STK33: variants seen among roughly 807,000 people sequenced by gnomAD.
STK33 encodes the protein serine/threonine kinase 33.
STK33 carries 52 observed loss-of-function variants against 58.0 expected under a neutral mutation model. The observed-to-expected ratio is 0.90, with a 90% CI of 0.72 to 1.13. STK33 has a LOEUF of 1.13. Among genes scored for constraint, STK33 ranks in the 50% most tolerant of loss-of-function variants. STK33 has a pLI of 0.00. For missense variants in STK33, 630 were observed against 604.2 expected (o/e 1.04, Z -0.45); for synonymous variants, 215 against 200.1 (o/e 1.07, Z -0.63).
chr11:8,341,958 G>C, the STK33 span, among the ~76,000 whole-genome samples: 1 of 152,242 alleles, frequency 6.6e-6, no homozygotes, highest in South Asian at 2.1e-4. Flanking sequence ...GCGTGAGAAA[G>C]TGAGGCATTT....
In STK33 at chr11:8,407,737, G is replaced by A. The variant is rs151159887; in HGVS notation, c.1344+5758C>T. ...GGAACCTATAGAACGATATCACACTGTCTAATATATGAGTAATTGGAGTCT... is the reference window on the plus strand; with the variant it reads ...GGAACCTATAGAACGATATCACACTATCTAATATATGAGTAATTGGAGTCT... On this transcript the variant is annotated intron_variant, in intron 15 of 15. Coordinates refer to ENST00000687296, the MANE Select transcript of STK33 (RefSeq NM_001352389.2). Among the ~76,000 whole-genome samples, 608 of 152,102 alleles carry A rather than the reference G, an allele frequency of 4.0e-3. 4 individuals carry two copies. The highest frequency in any genetic ancestry group is 6.7e-3 in the South Asian group (32 of 4,810).
the STK33 span, among the ~76,000 whole-genome samples, chr11:8,385,091 T>TC: frequency 1.3e-5 from 2 of 152,178 alleles, no homozygotes; most frequent in East Asian, 3.8e-4. Context: ...CACCCATTCT[T>TC]CTTCAACCAT....
At chr11:8,364,780 C>G in the STK33 span, among the ~76,000 whole-genome samples, 1 of 152,150 alleles carries the variant, frequency 6.6e-6, no homozygotes, top group Non-Finnish European at 1.5e-5. Context: ...ATTTATTTAT[C>G]CCTTCTTCTG....
At chr11:8,401,238 C>T (rs1191160381) in intron 15 of STK33, among the ~76,000 whole-genome samples, 1 of 152,128 alleles carries the variant, frequency 6.6e-6, no homozygotes, top group East Asian at 1.9e-4. Context: ...GCTACAGTAA[C>T]CAAAACAGCA....
the STK33 span, among the ~76,000 whole-genome samples, chr11:8,365,777 C>T: frequency 3.9e-5 from 6 of 152,094 alleles, no homozygotes; most frequent in Admixed American, 3.9e-4. Context: ...CTAGGGGGCC[C>T]CCGAGAACAC....
Position 8,475,016 on chromosome 11 carries a change from G to C in STK33, c.-111C>G. 1 of 959,930 alleles carries C rather than the reference G, an allele frequency of 1.0e-6. No individual in the cohort carries two copies. The highest frequency in any genetic ancestry group is 1.5e-6 in the Non-Finnish European group (1 of 652,180). 59.5% of individuals were successfully genotyped at this position (959,930 alleles called of 1,614,324 possible). On this transcript the variant is annotated 5_prime_UTR_variant, in exon 5 of 16. Transcript: ENST00000687296. ...ATGGTGAAAACTGTAATTTCGAACT[G>C]GTGAAGTCCTCAGGTTAAGGATGCA...
At chr11:8,352,456 G>C in the STK33 span, among the ~76,000 whole-genome samples, 1,599 of 152,284 alleles carry the variant, frequency 0.011, 25 homozygotes, top group African/African-American at 0.037. Context: ...CCTCAGGACA[G>C]GCTCTCCTAG....
the STK33 span, among the ~76,000 whole-genome samples, chr11:8,377,021 A>G: frequency 6.6e-6 from 1 of 152,076 alleles, no homozygotes. Flanking sequence ...TTTTCCTAGT[A>G]TCACCTCTCT....
chr11:8,557,406 C>T (rs1455808600), intron 1 of STK33, among the ~76,000 whole-genome samples: 1 of 151,044 alleles, frequency 6.6e-6, no homozygotes, highest in Non-Finnish European at 1.5e-5. Flanking sequence ...AAAAGGAAGT[C>T]AGGAAGTCTT....
chr11:8,524,415 A>C (rs906387791), intron 1 of STK33, among the ~76,000 whole-genome samples: 25 of 152,222 alleles, frequency 1.6e-4, no homozygotes, highest in Non-Finnish European at 1.5e-5. Context: ...GAACTCTAAC[A>C]AGTCAGTAGA....
chr11:8,570,713 G>A (rs1200070341), intron 1 of STK33, among the ~76,000 whole-genome samples: 2 of 152,208 alleles, frequency 1.3e-5, no homozygotes, highest in Non-Finnish European at 2.9e-5. Flanking sequence ...AGGGCCGAGA[G>A]AGGCAGGATG....
chr11:8,517,911 C>T (rs1272116108), intron 1 of STK33, among the ~76,000 whole-genome samples: 1 of 152,062 alleles, frequency 6.6e-6, no homozygotes, highest in Non-Finnish European at 1.5e-5. Flanking sequence ...GTTGGAAAAC[C>T]ACTCTCCAGG....
At chr11:8,384,203 G>T in the STK33 span, among the ~76,000 whole-genome samples, 2 of 146,680 alleles carry the variant, frequency 1.4e-5, no homozygotes, top group Admixed American at 6.9e-5. Flanking sequence ...GTATTAATCT[G>T]TTTTATTATT....
chr11:8,494,203 C>T (rs921122492), intron 1 of STK33, among the ~76,000 whole-genome samples: 3 of 152,134 alleles, frequency 2.0e-5, no homozygotes, highest in Admixed American at 6.5e-5. Context: ...AAAACCCCAT[C>T]GTCTCAGCCC....
At chr11:8,386,403 A>G in the STK33 span, among the ~76,000 whole-genome samples, 151,136 of 152,344 alleles carry the variant, frequency 0.99, 74,985 homozygotes, top group East Asian at 1. Context: ...CCAGGTAATT[A>G]CTTCTGGAAG....
At chr11:8,341,750 T>C in the STK33 span, among the ~76,000 whole-genome samples, 65,595 of 152,072 alleles carry the variant, frequency 0.43, 15,729 homozygotes, top group Non-Finnish European at 0.54. Context: ...CTTCCTTTAA[T>C]GAACTGAGTG....
At chr11:8,356,437 C>T in the STK33 span, among the ~76,000 whole-genome samples, 8 of 151,972 alleles carry the variant, frequency 5.3e-5, no homozygotes, top group Admixed American at 1.3e-4. Context: ...GAGGGAGGAC[C>T]GACGGCTCGC....
At chr11:8,403,314 G>C (rs763309518) in intron 15 of STK33, among the ~76,000 whole-genome samples, 38 of 152,176 alleles carry the variant, frequency 2.5e-4, no homozygotes, top group Non-Finnish European at 5.0e-4. Flanking sequence ...ATTCGTACCT[G>C]AAACACTGCA....
intron 11 of STK33, among the ~76,000 whole-genome samples, chr11:8,446,690 C>T (rs1157567520): frequency 6.6e-6 from 1 of 152,130 alleles, no homozygotes; most frequent in Non-Finnish European, 1.5e-5. Flanking sequence ...TGATCTTTGA[C>T]AAATCTGATA....
Sources: gnomAD v4.1 joint callset for allele counts (sites outside exome capture counted in the v4.1 genomes callset) on GRCh38, gnomAD v4.1.1 for gene constraint, MANE v1.5 for transcripts, NCBI Gene and HGNC (gene_info 2026-07-23, HGNC 2026-07-21) for gene names.